Variants in TYW1B observed in about 807,000 individuals in gnomAD.
TYW1B encodes the protein tRNA-yW synthesizing protein 1 homolog B.
A neutral mutation model predicts 86.9 loss-of-function variants in TYW1B; 73 were observed. That is an observed-to-expected ratio of 0.84 (90% CI 0.70 to 1.02). The LOEUF (loss-of-function observed/expected upper bound fraction) is 1.02, where lower values mean the gene tolerates loss of function less well. Among genes scored for constraint, TYW1B ranks in the 50% least tolerant of loss-of-function variants. The probability of loss-of-function intolerance (pLI) is 0.00; values close to 1 mark genes in which losing one functional copy is unlikely to be tolerated. For missense variants in TYW1B, 637 were observed against 827.4 expected (o/e 0.77, Z 2.82); for synonymous variants, 248 against 292.8 (o/e 0.85, Z 1.56).
At chr7:72,735,116 G>C (rs1787175781) in intron 8 of TYW1B, among the ~76,000 whole-genome samples, 1 of 152,116 alleles carries the variant, frequency 6.6e-6, no homozygotes, top group Admixed American at 6.6e-5. Flanking sequence ...ACATCCAAAG[G>C]AAAGGAAATC....
At chr7:72,592,937 C>A (rs1478048214) in intron 13 of TYW1B, among the ~76,000 whole-genome samples, 1 of 152,122 alleles carries the variant, frequency 6.6e-6, no homozygotes, top group Admixed American at 6.6e-5. Context: ...GACAATTCTA[C>A]AACAATACTC....
At chr7:72,714,178 A>T (rs1463314061) in intron 9 of TYW1B, among the ~76,000 whole-genome samples, 6 of 152,142 alleles carry the variant, frequency 3.9e-5, no homozygotes, top group Non-Finnish European at 8.8e-5. Context: ...TTCCTCAAGT[A>T]TCCTGAACTG....
intron 10 of TYW1B, among the ~76,000 whole-genome samples, chr7:72,708,264 A>G (rs1395444266): frequency 3.9e-5 from 6 of 152,184 alleles, no homozygotes; most frequent in South Asian, 2.1e-4. Flanking sequence ...TTCCCCTGAA[A>G]AGATACCAGA....
chr7:72,672,277 T>C (rs553145971), intron 11 of TYW1B, among the ~76,000 whole-genome samples: 2 of 152,154 alleles, frequency 1.3e-5, no homozygotes, highest in East Asian at 3.9e-4. Flanking sequence ...TTTTGTGAAT[T>C]GCTCAGTCTC....
intron 7 of TYW1B, among the ~76,000 whole-genome samples, chr7:72,775,088 A>G (rs1224357860): frequency 1.3e-5 from 2 of 152,184 alleles, no homozygotes; most frequent in African/African-American, 4.8e-5. Flanking sequence ...GAACTTGAAA[A>G]CATAGCAATA....
At position 72,628,987 on chromosome 7, in the gene TYW1B, G is replaced by C. The variant is rs879981057; in HGVS notation, c.1517C>G (p.Thr506Ser). ...TTTCACGAGCATCAGTCTGTAGACA[G>C]TTCGTTGTTGCTAAAACAAAGGAAA... Reference protein sequence around the residue: ...LKALAVKQQRTVYRLMLVKAW... With the variant: ...LKALAVKQQRSVYRLMLVKAW... Residue 506 changes from threonine to serine, a missense_variant, in exon 12 of 14, where the codon ACT (threonine) becomes AGT (serine). Thr to Ser is a moderately conservative substitution (Grantham distance 58). Transcript: ENST00000620995. 1.3e-6 allele frequency: 2 copies of C among 1,586,930 alleles called. No individual in the cohort carries two copies. The highest frequency in any genetic ancestry group is 8.6e-7 in the Non-Finnish European group (1 of 1,166,266).
intron 11 of TYW1B, among the ~76,000 whole-genome samples, chr7:72,689,642 A>C (rs1385970609): frequency 6.6e-6 from 1 of 152,232 alleles, no homozygotes; most frequent in Non-Finnish European, 1.5e-5. Context: ...ATGACAAGGA[A>C]AAATACTTAT....
At chr7:72,697,643 T>C (rs1814354356) in intron 10 of TYW1B, among the ~76,000 whole-genome samples, 1 of 152,080 alleles carries the variant, frequency 6.6e-6, no homozygotes, top group Non-Finnish European at 1.5e-5. Flanking sequence ...TCTTACATCA[T>C]CAAAATCACC....
chr7:72,600,841 G>A (rs1373502864), intron 13 of TYW1B, among the ~76,000 whole-genome samples: 10 of 151,906 alleles, frequency 6.6e-5, no homozygotes, highest in Middle Eastern at 6.8e-3. Flanking sequence ...CAGCCTGGGC[G>A]ACAGAGAGAG....
chr7:72,632,388 G>GTATATATATAAAATATATATATACA, intron 11 of TYW1B, among the ~76,000 whole-genome samples: 1 of 70,324 alleles, frequency 1.4e-5, no homozygotes, highest in East Asian at 3.9e-4. Flanking sequence ...ATATATATAC[G>GTATATATATAAAATATATATATACA]TATATATATA....
rs1304568793 is a variant in TYW1B at position 72,724,236 on chromosome 7, C to T, written c.1192+4586G>A. Among the ~76,000 whole-genome samples the T allele has an allele frequency of 3.9e-5, 6 of 152,048 alleles. No homozygotes were observed. In the East Asian group the frequency reaches 5.8e-4, roughly 15 times the overall value. On this transcript the variant is annotated intron_variant, in intron 9 of 13. Coordinates refer to ENST00000620995, the MANE Select transcript of TYW1B (RefSeq NM_001145440.3). ...CCTGTAATCCCAGTACTTTGAGAGG[C>T]CCAGGCAGAAGGATCATTTGAGCCC...
chr7:72,583,544 T>C (rs1410067236), intron 13 of TYW1B, among the ~76,000 whole-genome samples: 2 of 139,534 alleles, frequency 1.4e-5, no homozygotes, highest in African/African-American at 5.5e-5. Flanking sequence ...CTGTTTTTTG[T>C]TTTTGTTTTG....
chr7:72,694,561 CTTTTT>C, intron 11 of TYW1B, 121 bp downstream of exon 11: 2 of 1,300,544 alleles, frequency 1.5e-6, no homozygotes, highest in Non-Finnish European at 2.0e-6. Flanking sequence ...TATATTTCAT[CTTTTT>C]TTATTTTAAA....
intron 3 of TYW1B, among the ~76,000 whole-genome samples, chr7:72,810,968 A>C (rs1788599837): frequency 6.6e-6 from 1 of 152,050 alleles, no homozygotes; most frequent in Non-Finnish European, 1.5e-5. Context: ...AACAAAATCC[A>C]AATCAATCAA....
intron 8 of TYW1B, among the ~76,000 whole-genome samples, chr7:72,741,475 A>G (rs1273077623): frequency 7.2e-5 from 11 of 152,180 alleles, no homozygotes; most frequent in African/African-American, 1.4e-4. Context: ...TTAGCACACC[A>G]TCAGATTGAA....
At chr7:72,610,168 G>C (rs537587194) in intron 13 of TYW1B, among the ~76,000 whole-genome samples, 1 of 152,152 alleles carries the variant, frequency 6.6e-6, no homozygotes, top group Admixed American at 6.5e-5. Flanking sequence ...AGGCACTAGA[G>C]CACTATGAAT....
rs58301724 is a variant in TYW1B at position 72,779,712 on chromosome 7, C to CAAA, written c.847-2182_847-2180dup. 2.6e-4 allele frequency among the ~76,000 whole-genome samples: 17 copies of CAAA among 64,270 alleles called. 2 individuals carry two copies. The highest frequency in any genetic ancestry group is 1.1e-3 in the East Asian group (3 of 2,828). 42.2% of individuals were successfully genotyped at this position (64,270 alleles called of 152,430 possible). A position where few individuals can be genotyped will look rare whatever the true frequency, so the allele number is the denominator to read the frequency against. Reference sequence around the variant, plus strand: ...AGCCTGGGCGACAGAGACTCTGCCTCAAAAAAAAAAAAAAAAAAAAATTAA... The same window carrying CAAA: ...AGCCTGGGCGACAGAGACTCTGCCTCAAAAAAAAAAAAAAAAAAAAAAAATTAA... On this transcript the variant is annotated intron_variant, in intron 6 of 13. Transcript: ENST00000620995.
chr7:72,697,945 A>T (rs1455836429), intron 10 of TYW1B: 1 of 153,822 alleles, frequency 6.5e-6, no homozygotes, highest in Non-Finnish European at 1.5e-5. Flanking sequence ...TCCAAGGCTC[A>T]GAAGGTAGAA....
chr7:72,775,730 G>GA lies in TYW1B; in HGVS notation c.964+1685dup, dbSNP rs113111246. Among the ~76,000 whole-genome samples the GA allele has an allele frequency of 8.8e-3, 1,146 of 130,560 alleles. 8 individuals carry two copies. The highest frequency in any genetic ancestry group is 0.023 in the African/African-American group (805 of 35,662). The allele number at this position is 130,560 out of a possible 152,430, so 85.7% of individuals were successfully genotyped here. On this transcript the variant is annotated intron_variant, in intron 7 of 13. Transcript: ENST00000620995. Reference sequence around the variant, plus strand: ...AGTCGCCACAGGTAAGTTTAAATTAGAAAAAAAAAAAACAAAAAACAAGTA... The same window carrying GA: ...AGTCGCCACAGGTAAGTTTAAATTAGAAAAAAAAAAAAACAAAAAACAAGTA...
Sources: gnomAD v4.1 joint callset for allele counts (sites outside exome capture counted in the v4.1 genomes callset) on GRCh38, gnomAD v4.1.1 for gene constraint, MANE v1.5 for transcripts, NCBI Gene and HGNC (gene_info 2026-07-23, HGNC 2026-07-21) for gene names.